The following PHLPP1 variants were observed in gnomAD, a reference collection of about 807,000 sequenced individuals.
PHLPP1 encodes PH domain and leucine rich repeat protein phosphatase 1, also known as PH domain leucine-rich repeat-containing protein phosphatase 1.
Under a neutral mutation model 117.2 loss-of-function variants are expected in PHLPP1, and 42 were observed. The ratio of observed to expected loss-of-function variants is 0.36; its 90% CI spans 0.28 to 0.46. PHLPP1 has a LOEUF of 0.46. Among genes scored for constraint, PHLPP1 ranks in the 20% least tolerant of loss-of-function variants. The pLI is 1.00. For missense variants in PHLPP1, 2,084 were observed against 2,241.9 expected (o/e 0.93, Z 1.42); for synonymous variants, 1,042 against 970.7 (o/e 1.07, Z -1.37).
intron 1 of PHLPP1, among the ~76,000 whole-genome samples, chr18:62,735,451 A>C (rs886556364): frequency 1.1e-4 from 16 of 152,106 alleles, no homozygotes; most frequent in Non-Finnish European, 1.9e-4. Flanking sequence ...TTGTTTGTAT[A>C]GTTGGAATGC....
intron 1 of PHLPP1, chr18:62,731,326 T>G (rs923695478): frequency 2.0e-5 from 3 of 152,220 alleles, no homozygotes; most frequent in Non-Finnish European, 4.4e-5. Context: ...GCTGCCGAAG[T>G]GAGCACCCTT....
At position 62,947,768 on chromosome 18, in the gene PHLPP1, C is replaced by G. The variant is rs79347774; in HGVS notation, c.3324+2497C>G. On this transcript the variant is annotated intron_variant, in intron 12 of 16. Transcript: ENST00000262719. ...AGAGGCCTGGCTTGGTGGCTCACGC[C>G]TGTAATCCCAGCACTTTGGGAGGCT... 5.1e-3 allele frequency among the ~76,000 whole-genome samples: 780 copies of G among 152,304 alleles called. 6 individuals are homozygous for G. The highest frequency in any genetic ancestry group is 0.018 in the African/African-American group (740 of 41,570).
chr18:62,939,011 C>A (rs1910054092), intron 10 of PHLPP1, among the ~76,000 whole-genome samples: 1 of 41,474 alleles, frequency 2.4e-5, no homozygotes, highest in Non-Finnish European at 5.1e-5. Flanking sequence ...TTTTTTTGAG[C>A]CGGAGTTTCG....
Position 62,850,180 on chromosome 18 carries a change from G to T in PHLPP1, c.1900-10255G>T, listed in dbSNP as rs569399872. On this transcript the variant is annotated intron_variant, in intron 3 of 16. Coordinates refer to ENST00000262719, the MANE Select transcript of PHLPP1 (RefSeq NM_194449.4). ...CGAGGCAGGTGGATCACAAGGTCAG[G>T]AGTTTGAGACCAGCCTGGCCAACAT... Among the ~76,000 whole-genome samples, 3 of 151,730 alleles carry T rather than the reference G, an allele frequency of 2.0e-5. No homozygotes were observed. In the South Asian group the frequency reaches 6.3e-4, roughly 32 times the overall value.
intron 9 of PHLPP1, among the ~76,000 whole-genome samples, chr18:62,915,500 T>C (rs1909243357): frequency 6.6e-6 from 1 of 152,212 alleles, no homozygotes; most frequent in Non-Finnish European, 1.5e-5. Flanking sequence ...AGTAGAAGGT[T>C]CAAGAACTTC....
intron 9 of PHLPP1, among the ~76,000 whole-genome samples, chr18:62,917,828 G>GA (rs529513599): frequency 1.3e-4 from 18 of 139,662 alleles, no homozygotes; most frequent in South Asian, 2.3e-4. Flanking sequence ...AAAAGAAAAA[G>GA]AAAAAAAAAA....
intron 1 of PHLPP1, among the ~76,000 whole-genome samples, chr18:62,807,262 G>A (rs369350468): frequency 2.6e-5 from 4 of 151,812 alleles, no homozygotes; most frequent in South Asian, 2.1e-4. Context: ...AATAATAATC[G>A]GTCTTAGTTT....
At chr18:62,870,448 C>T (rs578057684) in intron 4 of PHLPP1, among the ~76,000 whole-genome samples, 8 of 152,108 alleles carry the variant, frequency 5.3e-5, no homozygotes, top group East Asian at 3.9e-4. Context: ...GTGGTGGCTT[C>T]GAAATATGCC....
rs553271303 is a variant in PHLPP1 at position 62,947,198 on chromosome 18, C to T, written c.3324+1927C>T. 1.4e-4 allele frequency among the ~76,000 whole-genome samples: 22 copies of T among 152,154 alleles called. No individual in the cohort carries two copies. In the South Asian group the frequency reaches 3.5e-3, roughly 24 times the overall value. On this transcript the variant is annotated intron_variant, in intron 12 of 16. Coordinates refer to ENST00000262719, the MANE Select transcript of PHLPP1 (RefSeq NM_194449.4). ...CTGAAAATTCACTGCTCTGTTTCCT[C>T]GTATGTTAAAGAAAGAAAAGAATTG...
At chr18:62,942,083 A>G (rs984642432) in intron 11 of PHLPP1, among the ~76,000 whole-genome samples, 165 bp downstream of exon 11, 4 of 152,248 alleles carry the variant, frequency 2.6e-5, no homozygotes, top group Non-Finnish European at 5.9e-5. Context: ...ATTTCCCTAA[A>G]GAGAAGTAGA....
chr18:62,931,878 G>GAA (rs61550621), intron 10 of PHLPP1, among the ~76,000 whole-genome samples: 50 of 76,448 alleles, frequency 6.5e-4, no homozygotes, highest in Middle Eastern at 6.9e-3. Flanking sequence ...CTGGGCGACA[G>GAA]AAAAAAAAAA....
chr18:62,784,256 AC>A (rs1913211248), intron 1 of PHLPP1, among the ~76,000 whole-genome samples: 1 of 152,244 alleles, frequency 6.6e-6, no homozygotes, highest in Admixed American at 6.5e-5. Flanking sequence ...GGACAGTGAA[AC>A]ATCCTACAAT....
chr18:62,900,282 G>A (rs1916676770), intron 6 of PHLPP1, among the ~76,000 whole-genome samples: 1 of 151,000 alleles, frequency 6.6e-6, no homozygotes, highest in Non-Finnish European at 1.5e-5. Flanking sequence ...GGGTGACAGA[G>A]CAAGACTTTG....
At chr18:62,882,963 GA>G (rs1331906323) in intron 4 of PHLPP1, among the ~76,000 whole-genome samples, 5 of 137,806 alleles carry the variant, frequency 3.6e-5, no homozygotes, top group African/African-American at 7.9e-5. Context: ...AAAAAAAAAA[GA>G]AAAAAAGAAA....
intron 4 of PHLPP1, among the ~76,000 whole-genome samples, chr18:62,876,599 G>T (rs958320903): frequency 2.6e-5 from 4 of 152,170 alleles, no homozygotes; most frequent in Non-Finnish European, 4.4e-5. Context: ...TCAAAATAAT[G>T]TGATCATAAA....
intron 4 of PHLPP1, among the ~76,000 whole-genome samples, chr18:62,861,111 C>G (rs140996798): frequency 3.3e-5 from 5 of 152,002 alleles, no homozygotes; most frequent in African/African-American, 9.6e-5. Flanking sequence ...GAACCTGCTC[C>G]TTTATTTTTT....
At chr18:62,783,218 CTTTTTTTTTTCTTTT>C (rs1167130852) in intron 1 of PHLPP1, among the ~76,000 whole-genome samples, 7 of 132,152 alleles carry the variant, frequency 5.3e-5, no homozygotes, top group Admixed American at 4.5e-4. Context: ...ACAAGCCTTT[CTTTTTTTTTTCTTTT>C]TTTTTTTTTT....
At chr18:62,917,348 A>G (rs1909319245) in intron 9 of PHLPP1, among the ~76,000 whole-genome samples, 1 of 151,088 alleles carries the variant, frequency 6.6e-6, no homozygotes, top group Non-Finnish European at 1.5e-5. Flanking sequence ...ATGCTTATTC[A>G]ATGCAAATCC....
chr18:62,905,195 C>T lies in PHLPP1; in HGVS notation c.2648-29C>T, dbSNP rs372420850. 9 of 1,419,180 alleles carry T rather than the reference C, an allele frequency of 6.3e-6. No homozygotes were observed. The African/African-American group carries it at 1.1e-4, about 17-fold the overall frequency. The allele number at this position is 1,419,180 out of a possible 1,614,324, so 87.9% of individuals were successfully genotyped here. A position where few individuals can be genotyped will look rare whatever the true frequency, so the allele number is the denominator to read the frequency against. On this transcript the variant is annotated intron_variant, in intron 7 of 16. Coordinates refer to ENST00000262719, the MANE Select transcript of PHLPP1 (RefSeq NM_194449.4). ...CTCTATGTCATTTGTATAGTAATGT[C>T]TTTGTGGGGTTTTTTTTTTTCTTCC...
Sources: allele counts gnomAD v4.1 joint callset (sites outside exome capture counted in the v4.1 genomes callset), GRCh38; gene constraint gnomAD v4.1.1; transcripts MANE v1.5; gene names NCBI Gene and HGNC (gene_info 2026-07-23, HGNC 2026-07-21).